The following TBC1D1 variants were observed in gnomAD, a reference collection of about 807,000 sequenced individuals.
TBC1D1 encodes the protein TBC1 (tre-2/USP6, BUB2, cdc16) domain family, member 1.
A neutral mutation model predicts 125.6 loss-of-function variants in TBC1D1; 89 were observed. That is an observed-to-expected ratio of 0.71 (90% CI 0.60 to 0.85). The LOEUF (loss-of-function observed/expected upper bound fraction) is 0.85. Among genes scored for constraint, TBC1D1 ranks in the 40% least tolerant of loss-of-function variants. The pLI is 0.00. For missense variants in TBC1D1, 1,377 were observed against 1,469.2 expected (o/e 0.94, Z 1.03); for synonymous variants, 565 against 564.1 (o/e 1.00, Z -0.02).
chr4:37,932,133 A>G (rs1723391745), intron 2 of TBC1D1, among the ~76,000 whole-genome samples: 1 of 152,186 alleles, frequency 6.6e-6, no homozygotes, highest in Non-Finnish European at 1.5e-5. Flanking sequence ...CTTCAGTGAG[A>G]GCTATGAAAC....
chr4:38,081,019 A>G (rs1756446318), intron 12 of TBC1D1, among the ~76,000 whole-genome samples: 1 of 151,834 alleles, frequency 6.6e-6, no homozygotes, highest in Non-Finnish European at 1.5e-5. Flanking sequence ...TTAAGAATAA[A>G]CTCTTTAAAG....
chr4:38,055,678 G>A (rs1751578963), intron 12 of TBC1D1, among the ~76,000 whole-genome samples: 1 of 152,130 alleles, frequency 6.6e-6, no homozygotes, highest in South Asian at 2.1e-4. Flanking sequence ...GTGGCCCCTC[G>A]GTGGAGCTGC....
intron 2 of TBC1D1, among the ~76,000 whole-genome samples, chr4:37,972,958 GA>G (rs1448279401): frequency 6.6e-6 from 1 of 151,664 alleles, no homozygotes; most frequent in Non-Finnish European, 1.5e-5. Flanking sequence ...TAGATTTTCT[GA>G]TGTTAAGTTT....
At chr4:38,070,694 G>A (rs1216770800) in intron 12 of TBC1D1, among the ~76,000 whole-genome samples, 4 of 152,192 alleles carry the variant, frequency 2.6e-5, no homozygotes, top group Non-Finnish European at 1.5e-5. Context: ...CATACACATG[G>A]AGAAAGAATA....
chr4:38,111,565 T>C (rs1027286531), intron 15 of TBC1D1, among the ~76,000 whole-genome samples: 2 of 152,246 alleles, frequency 1.3e-5, no homozygotes, highest in Admixed American at 6.5e-5. Flanking sequence ...AAAAAATCTC[T>C]TTAATGTCTG....
chr4:38,031,873 T>A (rs1746211750), intron 7 of TBC1D1, among the ~76,000 whole-genome samples: 1 of 152,272 alleles, frequency 6.6e-6, no homozygotes, highest in African/African-American at 2.4e-5. Context: ...TTTAGTTTTG[T>A]TACTTTTAAC....
intron 2 of TBC1D1, among the ~76,000 whole-genome samples, chr4:37,914,539 GTC>G (rs1287906218): frequency 1.3e-5 from 2 of 152,154 alleles, no homozygotes; most frequent in African/African-American, 2.4e-5. Context: ...CTACTGCAGT[GTC>G]TCCAAACTCA....
At chr4:37,923,466 C>G (rs188504953) in intron 2 of TBC1D1, among the ~76,000 whole-genome samples, 5 of 152,188 alleles carry the variant, frequency 3.3e-5, no homozygotes, top group African/African-American at 1.2e-4. Flanking sequence ...TGGGTATATA[C>G]CCAGTAATGG....
intron 2 of TBC1D1, among the ~76,000 whole-genome samples, chr4:38,000,087 A>G (rs1374974313): frequency 2.0e-5 from 3 of 152,214 alleles, no homozygotes; most frequent in Admixed American, 1.3e-4. Flanking sequence ...TTTGATGACT[A>G]TAGCGTCTGG....
chr4:38,117,504 G>A (rs1027419185), intron 16 of TBC1D1, among the ~76,000 whole-genome samples: 1 of 152,126 alleles, frequency 6.6e-6, no homozygotes, highest in African/African-American at 2.4e-5. Context: ...CCAGGTATCT[G>A]GATATTCCAT....
intron 18 of TBC1D1, among the ~76,000 whole-genome samples, chr4:38,128,332 GC>G (rs1180126271): frequency 2.0e-5 from 3 of 152,082 alleles, no homozygotes; most frequent in Admixed American, 6.6e-5. Flanking sequence ...CTTTCCTACT[GC>G]CCCCTCCCAT....
intron 9 of TBC1D1, among the ~76,000 whole-genome samples, chr4:38,045,532 G>C (rs1464215528): frequency 6.6e-6 from 1 of 152,154 alleles, no homozygotes; most frequent in African/African-American, 2.4e-5. Context: ...GAGTGGGCTT[G>C]AGCACTTGAT....
chr4:38,013,241 T>C (rs1245501175), intron 2 of TBC1D1, among the ~76,000 whole-genome samples: 1 of 152,222 alleles, frequency 6.6e-6, no homozygotes, highest in Admixed American at 6.5e-5. Flanking sequence ...CTTTAAGGTG[T>C]ATTTGATATG....
intron 2 of TBC1D1, chr4:37,960,848 C>G: frequency 6.2e-7 from 1 of 1,614,168 alleles, no homozygotes; most frequent in Non-Finnish European, 8.5e-7. Flanking sequence ...AGATTGCACA[C>G]CTCCCCTTGA....
intron 7 of TBC1D1, among the ~76,000 whole-genome samples, chr4:38,031,730 C>T (rs1746185387): frequency 6.6e-6 from 1 of 152,206 alleles, no homozygotes; most frequent in South Asian, 2.1e-4. Context: ...TGGGCTCAAG[C>T]AATCGTCCTA....
At chr4:37,950,560 A>C (rs1217311733) in intron 2 of TBC1D1, among the ~76,000 whole-genome samples, 1 of 150,260 alleles carries the variant, frequency 6.7e-6, no homozygotes. Context: ...AGATATAGCC[A>C]CCTGCCCCCT....
At position 37,987,292 on chromosome 4, in the gene TBC1D1, C is replaced by CT. The variant is rs1025328787; in HGVS notation, c.418-27205dup. On this transcript the variant is annotated intron_variant, in intron 2 of 19. Transcript: ENST00000261439. ...GTAGTGGTATTATTTCCTCCTTCCA[C>CT]TTTTTTTTTTTTCAGGAAAGAAATA... Among the ~76,000 whole-genome samples, 469 of 145,114 alleles carry CT rather than the reference C, an allele frequency of 3.2e-3. 4 individuals carry two copies. Among genetic ancestry groups the CT allele is most frequent in the East Asian group, 0.02 (100 of 5,052 alleles).
intron 2 of TBC1D1, among the ~76,000 whole-genome samples, chr4:37,951,317 C>G (rs780475549): frequency 6.6e-6 from 1 of 152,040 alleles, no homozygotes; most frequent in Non-Finnish European, 1.5e-5. Context: ...AGATTGGTCC[C>G]GAGCTGACAC....
intron 15 of TBC1D1, among the ~76,000 whole-genome samples, chr4:38,115,448 A>C (rs1762833307): frequency 6.6e-6 from 1 of 152,196 alleles, no homozygotes; most frequent in Non-Finnish European, 1.5e-5. Context: ...GCAGGACCGA[A>C]GGTAGTTCTG....
Sources: gnomAD v4.1 joint callset for allele counts (sites outside exome capture counted in the v4.1 genomes callset) on GRCh38, gnomAD v4.1.1 for gene constraint, MANE v1.5 for transcripts, NCBI Gene and HGNC (gene_info 2026-07-23, HGNC 2026-07-21) for gene names.